LARP1: variants seen among roughly 807,000 people sequenced by gnomAD.
The protein encoded by LARP1 is La ribonucleoprotein 1, translational regulator.
A neutral mutation model predicts 122.7 loss-of-function variants in LARP1; 36 were observed. The observed-to-expected ratio is 0.29, with a 90% CI of 0.22 to 0.39. The LOEUF is 0.39. LARP1 is among the 10% of genes least tolerant of loss of function. The pLI is 1.00. For missense variants in LARP1, 1,040 were observed against 1,403.6 expected (o/e 0.74, Z 4.14); for synonymous variants, 539 against 528.7 (o/e 1.02, Z -0.27).
intron 1 of LARP1, among the ~76,000 whole-genome samples, chr5:154,691,601 C>G (rs1175744684): frequency 6.6e-6 from 1 of 152,176 alleles, no homozygotes; most frequent in Non-Finnish European, 1.5e-5. Context: ...TCAGCCCCGC[C>G]CCACTGCCCT....
At chr5:154,739,863 G>C (rs554096615) in intron 1 of LARP1, among the ~76,000 whole-genome samples, 2 of 152,036 alleles carry the variant, frequency 1.3e-5, no homozygotes, top group Non-Finnish European at 2.9e-5. Flanking sequence ...TGTCTCCTTC[G>C]CAAACAAACC....
In LARP1 at chr5:154,813,871, C is replaced by A. The variant is rs1759481347; in HGVS notation, c.3082-16C>A. On this transcript the variant is annotated splice_polypyrimidine_tract_variant and intron_variant, in intron 18 of 18. Transcript: ENST00000518297. ...ATAGTGCTTCTGATCACCTGTGACT[C>A]CTTCCTCTGTTGCAGCCCCCCATGG... 1.2e-6 allele frequency: 2 copies of A among 1,611,160 alleles called. No individual in the cohort carries two copies. The highest frequency in any genetic ancestry group is 2.7e-5 in the African/African-American group (2 of 74,970).
At position 154,802,300 on chromosome 5, in the gene LARP1, G is replaced by A. The variant is rs1431126236; in HGVS notation, c.2010G>A (p.Lys670=). The change falls in exon 11 of 19, where the codon AAG becomes AAA. Residue 670 remains lysine (K), a synonymous_variant. Transcript: ENST00000518297. This position sits in a 1 kb window ranked among gnomAD's most constrained non-coding sequence, Gnocchi z 5.1. The part of the protein sequence containing the change: ...DRTGNHTSRA[K]MSAELAKVIN... ...CAGGCAACCACACCTCGCGTGCCAA[G>A]ATGAGCGCCGAACTGGCCAAGGTCA... is the stretch of plus-strand genomic sequence containing the variant. 3 of 1,614,230 alleles carry A rather than the reference G, an allele frequency of 1.9e-6. No individual in the cohort carries two copies. The highest frequency in any genetic ancestry group is 3.3e-4 in the Middle Eastern group (2 of 6,062).
At chr5:154,712,238 C>T (rs984830469), upstream of LARP1, among the ~76,000 whole-genome samples, 1 of 152,142 alleles carries the variant, frequency 6.6e-6, no homozygotes, top group East Asian at 1.9e-4. Flanking sequence ...ATTATATACT[C>T]ATTATAGTGA....
rs1224532536 is a variant in LARP1 at position 154,817,403 on chromosome 5, T to C, written c.*3307T>C. The stretch of plus-strand genomic sequence containing the variant: ...ATTATCTTTACTATGTGCTAGGATA[T>C]CATATTTAAAAGGACAAAAAAATGT... On this transcript the variant is annotated 3_prime_UTR_variant, in exon 19 of 19. Coordinates refer to ENST00000518297, the MANE Select transcript of LARP1 (RefSeq NM_033551.3). The C allele has an allele frequency of 6.6e-6, 1 of 152,650 alleles. No homozygotes were observed. The highest frequency in any genetic ancestry group is 1.9e-4 in the East Asian group (1 of 5,206). 9.5% of individuals were successfully genotyped at this position (152,650 alleles called of 1,614,324 possible). A position where few individuals can be genotyped will look rare whatever the true frequency, so the allele number is the denominator to read the frequency against.
At chr5:154,787,060 G>T (rs1441849204) in intron 1 of LARP1, among the ~76,000 whole-genome samples, 1 of 152,062 alleles carries the variant, frequency 6.6e-6, no homozygotes. Context: ...TGTAATTTTA[G>T]TAGAGATGGG....
intron 1 of LARP1, among the ~76,000 whole-genome samples, chr5:154,697,491 C>T (rs1011691366): frequency 6.6e-6 from 1 of 152,036 alleles, no homozygotes; most frequent in African/African-American, 2.4e-5. Context: ...TTCATAATAG[C>T]GAAAATGTGT....
At chr5:154,702,543 C>T (rs373119703) in intron 1 of LARP1, among the ~76,000 whole-genome samples, 153 of 149,658 alleles carry the variant, frequency 1.0e-3, no homozygotes, top group African/African-American at 3.1e-3. Flanking sequence ...GCAACACGAA[C>T]GAAACTCCAT....
chr5:154,787,964 G>A (rs1364124043), intron 1 of LARP1, among the ~76,000 whole-genome samples: 1 of 152,132 alleles, frequency 6.6e-6, no homozygotes, highest in Non-Finnish European at 1.5e-5. Flanking sequence ...ACCTTTTTAA[G>A]GAAAAGTCTT....
rs182244087 is a variant in LARP1, at chr5:154,741,651, G to A, written c.205+28521G>A. Among the ~76,000 whole-genome samples the A allele has an allele frequency of 1.8e-3, 271 of 152,272 alleles. 4 individuals are homozygous for A. In the East Asian group the frequency reaches 0.024, roughly 13 times the overall value. On this transcript the variant is annotated intron_variant, in intron 1 of 18. Coordinates refer to the LARP1 transcript ENST00000336314. ...GGCCCGCAGGCTGGGATGAGTTTCCGTGTGTTTCTGGGGCTGGCACAGAGC... is the reference window on the plus strand; with the variant it reads ...GGCCCGCAGGCTGGGATGAGTTTCCATGTGTTTCTGGGGCTGGCACAGAGC...
intron 8 of LARP1, among the ~76,000 whole-genome samples, chr5:154,797,418 AGATGGG>A (rs534948451): frequency 2.0e-3 from 302 of 151,374 alleles, no homozygotes; most frequent in Non-Finnish European, 3.3e-3. Flanking sequence ...TTTCTAGTAG[AGATGGG>A]GTTTCACCAT....
At chr5:154,747,478 G>A (rs1023393632) in intron 1 of LARP1, among the ~76,000 whole-genome samples, 5 of 151,158 alleles carry the variant, frequency 3.3e-5, no homozygotes, top group Non-Finnish European at 7.4e-5. Context: ...AGGCTGAGGC[G>A]GGTGGATCAC....
At chr5:154,797,942 C>T (rs753016597) in intron 8 of LARP1, among the ~76,000 whole-genome samples, 6 of 152,174 alleles carry the variant, frequency 3.9e-5, no homozygotes, top group Non-Finnish European at 7.3e-5. Context: ...ACTTCGGCTT[C>T]CAAAGTGTTG....
intron 1 of LARP1, among the ~76,000 whole-genome samples, chr5:154,693,712 C>T (rs565321442): frequency 9.9e-5 from 15 of 151,910 alleles, no homozygotes; most frequent in Non-Finnish European, 2.2e-4. Flanking sequence ...AAAAATTAGC[C>T]GGGCGTGGTG....
upstream of LARP1, among the ~76,000 whole-genome samples, chr5:154,752,563 C>T (rs1753557574): frequency 6.6e-6 from 1 of 152,010 alleles, no homozygotes; most frequent in Non-Finnish European, 1.5e-5. Context: ...CTTTTCTGAA[C>T]TTTGGTTTCT....
chr5:154,698,553 C>T (rs1754577202), intron 1 of LARP1, among the ~76,000 whole-genome samples: 1 of 152,168 alleles, frequency 6.6e-6, no homozygotes, highest in Non-Finnish European at 1.5e-5. Flanking sequence ...GCTGAGATCA[C>T]ACCACTGCAC....
At chr5:154,686,988 A>C (rs1200983167) in intron 1 of LARP1, among the ~76,000 whole-genome samples, 3 of 152,234 alleles carry the variant, frequency 2.0e-5, no homozygotes, top group Non-Finnish European at 4.4e-5. Context: ...GAGAGAAATC[A>C]GTCTCTGTCT....
At position 154,755,546 on chromosome 5, in the gene LARP1, C is replaced by G; in HGVS notation, c.-212C>G. The G allele has an allele frequency of 1.0e-6, 1 of 986,758 alleles. No individual in the cohort carries two copies. Among genetic ancestry groups the G allele is most frequent in the Non-Finnish European group, 1.2e-6 (1 of 829,628 alleles). 61.1% of individuals were successfully genotyped at this position (986,758 alleles called of 1,614,324 possible). A position where few individuals can be genotyped will look rare whatever the true frequency, so the allele number is the denominator to read the frequency against. On this transcript the variant is annotated 5_prime_UTR_variant, in exon 1 of 19. Transcript: ENST00000518297. Reference sequence around the variant, plus strand: ...CCTGGACTGCAGAGTGGGGGGCCTTCCTCCCCCCCCGCCCCGCTAGTGGGC... The same window carrying G: ...CCTGGACTGCAGAGTGGGGGGCCTTGCTCCCCCCCCGCCCCGCTAGTGGGC...
At chr5:154,721,533 G>A (rs1444426890) in intron 1 of LARP1, among the ~76,000 whole-genome samples, 1 of 152,060 alleles carries the variant, frequency 6.6e-6, no homozygotes, top group Non-Finnish European at 1.5e-5. Context: ...GGAGGCCAGG[G>A]AAAGGAGCTG....
Sources: allele counts gnomAD v4.1 joint callset (sites outside exome capture counted in the v4.1 genomes callset), GRCh38; gene constraint gnomAD v4.1.1; non-coding constraint Gnocchi (gnomAD v3.1); transcripts MANE v1.5; gene names NCBI Gene and HGNC (gene_info 2026-07-23, HGNC 2026-07-21).